The following USP34 variants were observed in gnomAD, a reference collection of about 807,000 sequenced individuals.
USP34 encodes ubiquitin carboxyl-terminal hydrolase 34.
In USP34, 70 loss-of-function variants were observed where a neutral mutation model predicts 460.3. The observed-to-expected ratio is 0.15, with a 90% CI of 0.13 to 0.19. USP34 has a LOEUF of 0.19. Ranked by LOEUF, USP34 falls within the 10% of genes least tolerant of loss-of-function variation. The pLI, the probability that USP34 is intolerant of heterozygous loss-of-function variation, is 1.00. For missense variants in USP34, 3,985 were observed against 4,236.2 expected (o/e 0.94, Z 1.65); for synonymous variants, 1,647 against 1,405.3 (o/e 1.17, Z -3.85).
chr2:61,438,311 G>A (rs915277197), intron 1 of USP34, among the ~76,000 whole-genome samples: 1 of 151,888 alleles, frequency 6.6e-6, no homozygotes, highest in African/African-American at 2.4e-5. Context: ...ATCCATTCGT[G>A]ATTAAAAAAA....
intron 10 of USP34, among the ~76,000 whole-genome samples, chr2:61,360,008 C>T (rs1047197780): frequency 6.6e-6 from 1 of 152,010 alleles, no homozygotes; most frequent in Non-Finnish European, 1.5e-5. Flanking sequence ...TGGTCTTGAA[C>T]TCCTGACCTC....
At chr2:61,254,699 T>C (rs749797925) in intron 48 of USP34, among the ~76,000 whole-genome samples, 119 of 152,340 alleles carry the variant, frequency 7.8e-4, no homozygotes, top group Non-Finnish European at 1.6e-3. Flanking sequence ...TTCATGCCTG[T>C]AATATCAGCA....
At chr2:61,263,241 C>T (rs1688948759) in intron 43 of USP34, among the ~76,000 whole-genome samples, 1 of 138,452 alleles carries the variant, frequency 7.2e-6, no homozygotes, top group Admixed American at 7.8e-5. Flanking sequence ...AGTGTAATGG[C>T]TCGATCTCAG....
At chr2:61,424,323 A>G (rs568337854) in intron 1 of USP34, among the ~76,000 whole-genome samples, 1 of 152,338 alleles carries the variant, frequency 6.6e-6, no homozygotes, top group South Asian at 2.1e-4. Context: ...TTAAGTATAG[A>G]AAAGGTACAG....
In USP34 at chr2:61,282,066, T is replaced by C. The variant is rs1391847929; in HGVS notation, c.4999-824A>G. On this transcript the variant is annotated intron_variant, in intron 37 of 79. Coordinates refer to ENST00000398571, the MANE Select transcript of USP34 (RefSeq NM_014709.4). ...GTGCAGTGGTGCGATCTTGGCTCAC[T>C]GCAACCTCTGCCTCCTGGGTTCAAG... Among the ~76,000 whole-genome samples the C allele has an allele frequency of 4.6e-5, 7 of 152,342 alleles. No individual in the cohort carries two copies. The East Asian group carries it at 1.3e-3, about 29-fold the overall frequency.
intron 2 of USP34, among the ~76,000 whole-genome samples, chr2:61,416,147 C>T (rs2103961240): frequency 6.6e-6 from 1 of 152,290 alleles, no homozygotes; most frequent in African/African-American, 2.4e-5. Context: ...ATGAAAAGAA[C>T]TACTTTAAAC....
intron 6 of USP34, among the ~76,000 whole-genome samples, chr2:61,381,827 G>A (rs940511416): frequency 6.6e-6 from 1 of 151,958 alleles, no homozygotes; most frequent in Non-Finnish European, 1.5e-5. Flanking sequence ...TGAACTACAA[G>A]TTCATACTCC....
Position 61,395,209 on chromosome 2 carries a change from T to A in USP34, c.577A>T (p.Ile193Leu), listed in dbSNP as rs766327948. The change falls in exon 4 of 80, where the codon ATA becomes TTA. Residue 193 changes from isoleucine to leucine, a missense_variant. Coordinates refer to ENST00000398571, the MANE Select transcript of USP34 (RefSeq NM_014709.4). Reference protein sequence around the residue: ...IEDISTQESNILGAFCDMNDV... With the variant: ...IEDISTQESNLLGAFCDMNDV... ...TTCATATCACAGAATGCCCCTAATA[T>A]GTTACTTTCTTGAGTTGATATATCC... The A allele has an allele frequency of 5.3e-6, 8 of 1,502,404 alleles. No individual in the cohort carries two copies. In the Admixed American group the frequency reaches 8.0e-5, roughly 15 times the overall value. The allele number at this position is 1,502,404 out of a possible 1,614,324, so 93.1% of individuals were successfully genotyped here. A position where few individuals can be genotyped will look rare whatever the true frequency, so the allele number is the denominator to read the frequency against.
intron 42 of USP34, 40 bp from the exon 43 acceptor site, chr2:61,265,597 A>G (rs778894447): frequency 7.0e-6 from 11 of 1,560,494 alleles, no homozygotes; most frequent in African/African-American, 1.4e-5. Flanking sequence ...CCCCCAAACA[A>G]ACTATGAAAC....
chr2:61,429,700 A>G (rs1694611527), intron 1 of USP34, among the ~76,000 whole-genome samples: 1 of 152,242 alleles, frequency 6.6e-6, no homozygotes, highest in African/African-American at 2.4e-5. Context: ...TGCACCAACA[A>G]GCAACATGGA....
intron 48 of USP34, among the ~76,000 whole-genome samples, chr2:61,252,410 C>T (rs558030616): frequency 6.6e-6 from 1 of 152,116 alleles, no homozygotes; most frequent in Non-Finnish European, 1.5e-5. Context: ...GCAGCAGCAG[C>T]AGCAACAGCA....
At chr2:61,406,236 TTATTTTTTCCTTCC>T in intron 2 of USP34, 108 bp from the exon 3 acceptor site, 1 of 1,042,038 alleles carries the variant, frequency 9.6e-7, no homozygotes, top group Non-Finnish European at 1.3e-6. Flanking sequence ...AGACTTGTTT[TTATTTTTTCCTTCC>T]TGCTGGGGTA....
intron 1 of USP34, among the ~76,000 whole-genome samples, chr2:61,434,527 T>C (rs1483277999): frequency 6.6e-6 from 1 of 152,134 alleles, no homozygotes; most frequent in Non-Finnish European, 1.5e-5. Context: ...ACTCACCATA[T>C]GCATACATGT....
At position 61,203,165 on chromosome 2, in the gene USP34, T is replaced by A. The variant is rs767442129; in HGVS notation, c.9483A>T (p.Lys3161Asn). 1.3e-6 allele frequency: 2 copies of A among 1,596,396 alleles called. No individual in the cohort carries two copies. The highest frequency in any genetic ancestry group is 2.7e-5 in the African/African-American group (2 of 73,758). The change falls in exon 75 of 80, where the codon AAA (lysine) becomes AAT (asparagine). Residue 3161 changes from lysine to asparagine, a missense_variant. Coordinates refer to ENST00000398571, the MANE Select transcript of USP34 (RefSeq NM_014709.4). ...LLCRVAINCEKFTETLVKLSV... is the reference protein window; with the variant it reads ...LLCRVAINCENFTETLVKLSV... ...TCAGCTTAACTAATGTTTCAGTAAA[T>A]TTTTCACAGTTGATTGCAACTCGGC...
At chr2:61,413,509 C>A (rs1051395599) in intron 2 of USP34, among the ~76,000 whole-genome samples, 3 of 140,520 alleles carry the variant, frequency 2.1e-5, no homozygotes, top group African/African-American at 8.1e-5. Context: ...GAGCTCGAGA[C>A]CAGCCTGGGC....
At chr2:61,247,534 A>T (rs555634305) in intron 49 of USP34, among the ~76,000 whole-genome samples, 27 of 152,096 alleles carry the variant, frequency 1.8e-4, no homozygotes, top group South Asian at 2.1e-4. Context: ...CCAGAAAAAA[A>T]TTTTTTTTCA....
intron 27 of USP34, among the ~76,000 whole-genome samples, chr2:61,303,284 T>C (rs927216092): frequency 6.6e-6 from 1 of 152,156 alleles, no homozygotes; most frequent in South Asian, 2.1e-4. Context: ...CAGGCTGGTC[T>C]TGAACTCTTG....
chr2:61,194,290 T>G, intron 75 of USP34: 3 of 985,454 alleles, frequency 3.0e-6, no homozygotes, highest in Non-Finnish European at 3.6e-6. Context: ...GGTTGGTGTT[T>G]GGCAGCATAT....
chr2:61,293,940 AG>A (rs1473587178), intron 32 of USP34, among the ~76,000 whole-genome samples: 1 of 151,882 alleles, frequency 6.6e-6, no homozygotes, highest in Non-Finnish European at 1.5e-5. Context: ...ACTCGAACCC[AG>A]GAGGTCAAGG....
Sources: allele counts gnomAD v4.1 joint callset (sites outside exome capture counted in the v4.1 genomes callset), GRCh38; gene constraint gnomAD v4.1.1; transcripts MANE v1.5; gene names NCBI Gene and HGNC (gene_info 2026-07-23, HGNC 2026-07-21).